Variants in ERF observed in about 807,000 individuals in gnomAD.
ERF encodes ETS domain-containing transcription factor ERF.
Under a neutral mutation model 41.6 loss-of-function variants are expected in ERF, and 10 were observed. That is an observed-to-expected ratio of 0.24 (90% confidence interval 0.15 to 0.41). The LOEUF (loss-of-function observed/expected upper bound fraction) is 0.41, where lower values mean the gene tolerates loss of function less well. ERF is among the 10% of genes least tolerant of loss of function. The probability of loss-of-function intolerance (pLI) is 1.00; values close to 1 mark genes in which losing one functional copy is unlikely to be tolerated. For missense variants in ERF, 621 were observed against 763.2 expected (o/e 0.81, Z 2.19); for synonymous variants, 395 against 342.4 (o/e 1.15, Z -1.70).
Position 42,248,899 on chromosome 19 carries a change from T to G in ERF, c.1213A>C (p.Ser405Arg), listed in dbSNP as rs905310462. The G allele has an allele frequency of 2.5e-6, 4 of 1,605,858 alleles. No homozygotes were observed. The highest frequency in any genetic ancestry group is 3.4e-6 in the Non-Finnish European group (4 of 1,178,314). The change falls in exon 4 of 4, where the codon AGT becomes CGT. Residue 405 changes from serine to arginine, a missense_variant. Transcript: ENST00000222329. The surrounding 1 kb of genome is among the most constrained non-coding windows in gnomAD (Gnocchi z 4.2). ...GCCCCCTCAGCCAGCCCGCCTGCAC[T>G]GCCACCGCTCTTGTCAGCACCGGCT... ...AVAGADKSGG[S>R]AGGLAEGAGA...
chr19:42,253,823 G>T, intron 1 of ERF: 1 of 969,802 alleles, frequency 1.0e-6, no homozygotes, highest in Non-Finnish European at 1.2e-6. Flanking sequence ...GGGGTGGGTG[G>T]GCCGGTCGGG....
rs578157674 is a variant in ERF, at chr19:42,250,050, C to T, written c.258-108G>A. ...TGGTTCCCAAAGGCCAACTGAGGAACGTAGGCCACAAAAGACAAATCAAGT... is the reference window on the plus strand; with the variant it reads ...TGGTTCCCAAAGGCCAACTGAGGAATGTAGGCCACAAAAGACAAATCAAGT... On this transcript the variant is annotated intron_variant, in intron 2 of 3. Transcript: ENST00000222329. The surrounding 1 kb of genome is among the most constrained non-coding windows in gnomAD (Gnocchi z 5.1). 6.1e-5 allele frequency: 67 copies of T among 1,098,870 alleles called. 1 individual carries two copies. The East Asian group carries it at 1.4e-3, about 22-fold the overall frequency. The allele number at this position is 1,098,870 out of a possible 1,614,324, so 68.1% of individuals were successfully genotyped here.
At position 42,249,118 on chromosome 19, in the gene ERF, G is replaced by A; in HGVS notation, c.994C>T (p.Leu332=). Residue 332 remains leucine (L), a synonymous_variant, in exon 4 of 4, where the codon CTG becomes TTG. Coordinates refer to ENST00000222329, the MANE Select transcript of ERF (RefSeq NM_006494.4). This position sits in a 1 kb window ranked among gnomAD's most constrained non-coding sequence, Gnocchi z 8.6. ...GGCACCACCAGCCCAGGGTAGTGCA[G>A]GAAGGCGCGGGGGCTGAGGTGGTAG... The part of the protein sequence containing the change: ...YNYHLSPRAF[L]HYPGLVVPQP... The A allele has an allele frequency of 6.2e-7, 1 of 1,613,894 alleles. No individual in the cohort carries two copies.
In ERF at chr19:42,248,834, C is replaced by T; in HGVS notation, c.1278G>A (p.Lys426=). 6.2e-7 allele frequency: 1 copy of T among 1,612,924 alleles called. No homozygotes were observed. The highest frequency in any genetic ancestry group is 8.5e-7 in the Non-Finnish European group (1 of 1,179,786). Residue 426 remains lysine, a synonymous_variant, in exon 4 of 4, where the codon AAG becomes AAA. Coordinates refer to ENST00000222329, the MANE Select transcript of ERF (RefSeq NM_006494.4). The surrounding 1 kb of genome is among the most constrained non-coding windows in gnomAD (Gnocchi z 4.2). ...ACTCGCCTTCCGAGATGGGCTCCAC[C>T]TTGATCTGTGGTGGCGGGGGCGGTG... ...LAPPPPPPQI[K]VEPISEGESE... is the part of the protein sequence containing the mutation.
At chr19:42,254,912 C>CA in intron 1 of ERF, 66 bp downstream of exon 1, 1 of 1,500,400 alleles carries the variant, frequency 6.7e-7, no homozygotes. Context: ...TCAGCCCCCC[C>CA]AAAGTTTCTC....
intron 1 of ERF, among the ~76,000 whole-genome samples, chr19:42,253,175 G>A (rs1175447648): frequency 6.6e-6 from 1 of 152,178 alleles, no homozygotes; most frequent in African/African-American, 2.4e-5. Context: ...TATGAGGGTC[G>A]GAAGGGAGGA....
rs2036354952 is a variant in ERF at position 42,247,903 on chromosome 19, C to G, written c.*562G>C. The G allele has an allele frequency of 6.6e-6, 1 of 152,322 alleles. No individual in the cohort carries two copies. Among genetic ancestry groups the G allele is most frequent in the African/African-American group, 2.4e-5 (1 of 41,390 alleles). 9.4% of individuals were successfully genotyped at this position (152,322 alleles called of 1,614,324 possible). On this transcript the variant is annotated 3_prime_UTR_variant, in exon 4 of 4. Coordinates refer to ENST00000222329, the MANE Select transcript of ERF (RefSeq NM_006494.4). Reference sequence around the variant, plus strand: ...TCACCCTCCTCCGCCCCCCACCCCCCAACACATGGAATTTTTGGTTCATTA... The same window carrying G: ...TCACCCTCCTCCGCCCCCCACCCCCGAACACATGGAATTTTTGGTTCATTA...
Position 42,249,351 on chromosome 19 carries a change from G to A in ERF, c.761C>T (p.Ala254Val), listed in dbSNP as rs866520643. 29 of 1,577,492 alleles carry A rather than the reference G, an allele frequency of 1.8e-5. No individual in the cohort carries two copies. Among genetic ancestry groups the A allele is most frequent in the Non-Finnish European group, 2.5e-5 (29 of 1,162,332 alleles). Residue 254 changes from alanine (A) to valine (V), a missense_variant, in exon 4 of 4, where the codon GCC becomes GTC. Ala to Val is a moderately conservative substitution (Grantham distance 64, BLOSUM62 0). Transcript: ENST00000222329. The surrounding 1 kb of genome is among the most constrained non-coding windows in gnomAD (Gnocchi z 8.6). ...AGGGGGCAGCAGGGATCCAGGACCG[G>A]CCAGAGGCGACACAGGGAAGGGGCT... ...PLSPFPVSPL[A>V]GPGSLLPPQL...
At position 42,254,097 on chromosome 19, in the gene ERF, G is replaced by C. The variant is rs1477280978; in HGVS notation, c.22+881C>G. On this transcript the variant is annotated intron_variant, in intron 1 of 3. Coordinates refer to ENST00000222329, the MANE Select transcript of ERF (RefSeq NM_006494.4). ...CCGAGTGGGAGGGGGAGTTAATCCC[G>C]CTGCCCCCCGCCCGCCGACCGAGGG... Among the ~76,000 whole-genome samples the C allele has an allele frequency of 2.7e-5, 4 of 149,446 alleles. No individual in the cohort carries two copies. In the East Asian group the frequency reaches 8.2e-4, roughly 31 times the overall value.
rs1478790512 is a variant in ERF, at chr19:42,247,737, C to A, written c.*728G>T. On this transcript the variant is annotated 3_prime_UTR_variant, in exon 4 of 4. Transcript: ENST00000222329. The stretch of plus-strand genomic sequence containing the variant: ...CTTCCAGTTTGGTTTCAGGGCACCC[C>A]CTTCCCATCCCCCCACCCGCCTGCC... 6.6e-6 allele frequency: 1 copy of A among 152,562 alleles called. No individual in the cohort carries two copies. The allele number at this position is 152,562 out of a possible 1,614,324, so 9.5% of individuals were successfully genotyped here. A position where few individuals can be genotyped will look rare whatever the true frequency, so the allele number is the denominator to read the frequency against.
chr19:42,253,889 G>T, intron 1 of ERF: 1 of 1,081,188 alleles, frequency 9.2e-7, no homozygotes, highest in Non-Finnish European at 1.1e-6. Flanking sequence ...CCGCCGCCGG[G>T]GGAAGGAAAC....
rs2036490581 is a variant in ERF, at chr19:42,253,958, A to T, written c.22+1020T>A. The T allele has an allele frequency of 3.9e-6, 4 of 1,021,000 alleles. No individual in the cohort carries two copies. In the South Asian group the frequency reaches 1.3e-4, roughly 32 times the overall value. The allele number at this position is 1,021,000 out of a possible 1,614,324, so 63.2% of individuals were successfully genotyped here. On this transcript the variant is annotated intron_variant, in intron 1 of 3. Coordinates refer to ENST00000222329, the MANE Select transcript of ERF (RefSeq NM_006494.4). ...CTCCCCCGTCCCCGCCCCGGGCCGGATTCCGACGGGGTAGACGGGCAGGGG... is the reference window on the plus strand; with the variant it reads ...CTCCCCCGTCCCCGCCCCGGGCCGGTTTCCGACGGGGTAGACGGGCAGGGG...
Position 42,255,006 on chromosome 19 carries a change from G to C in ERF, c.-7C>G. Reference sequence around the variant, plus strand: ...TGTCCGCCGGGGTCTTCATGCTGGGGGGCCCGGGGCGAAGCGCCCCGATTC... The same window carrying C: ...TGTCCGCCGGGGTCTTCATGCTGGGCGGCCCGGGGCGAAGCGCCCCGATTC... On this transcript the variant is annotated 5_prime_UTR_variant, in exon 1 of 4. Transcript: ENST00000222329. 3 of 1,436,038 alleles carry C rather than the reference G, an allele frequency of 2.1e-6. No individual in the cohort carries two copies. Among genetic ancestry groups the C allele is most frequent in the Non-Finnish European group, 2.7e-6 (3 of 1,096,694 alleles). The allele number at this position is 1,436,038 out of a possible 1,614,324, so 89.0% of individuals were successfully genotyped here. A position where few individuals can be genotyped will look rare whatever the true frequency, so the allele number is the denominator to read the frequency against.
intron 1 of ERF, among the ~76,000 whole-genome samples, chr19:42,254,200 A>G (rs2036496137): frequency 6.6e-6 from 1 of 150,880 alleles, no homozygotes; most frequent in Non-Finnish European, 1.5e-5. Context: ...GGCCCGCTGA[A>G]AGAGAAGAGG....
chr19:42,249,269 G>T lies in ERF; in HGVS notation c.843C>A (p.Pro281=), dbSNP rs1356239546. The change falls in exon 4 of 4, where the codon CCC becomes CCA. Residue 281 remains proline, a synonymous_variant. Coordinates refer to ENST00000222329, the MANE Select transcript of ERF (RefSeq NM_006494.4). The surrounding 1 kb of genome is among the most constrained non-coding windows in gnomAD (Gnocchi z 8.6). ...TPTHLAYTPS[P]TLSPMYPSGG... is the part of the protein sequence containing the mutation. ...CACTGGGGTACATCGGGCTCAGCGT[G>T]GGCGAGGGAGTGTAGGCCAGGTGGG... 1 of 1,609,016 alleles carries T rather than the reference G, an allele frequency of 6.2e-7. No homozygotes were observed. Among genetic ancestry groups the T allele is most frequent in the African/African-American group, 1.3e-5 (1 of 74,884 alleles).
At position 42,250,304 on chromosome 19, in the gene ERF, G is replaced by A; in HGVS notation, c.257+27C>T. 1 of 1,609,054 alleles carries A rather than the reference G, an allele frequency of 6.2e-7. No individual in the cohort carries two copies. The highest frequency in any genetic ancestry group is 2.2e-5 in the East Asian group (1 of 44,824). On this transcript the variant is annotated intron_variant, in intron 2 of 3. Transcript: ENST00000222329. This position sits in a 1 kb window ranked among gnomAD's most constrained non-coding sequence, Gnocchi z 5.1. The stretch of plus-strand genomic sequence containing the variant: ...AACCCCGGGGGGGCACTCCACATGT[G>A]CTCAGGGGTCCCCAGCCCGTCCTCA...
At position 42,248,596 on chromosome 19, in the gene ERF, C is replaced by T. The variant is rs751301163; in HGVS notation, c.1516G>A (p.Asp506Asn). The T allele has an allele frequency of 1.4e-5, 22 of 1,582,340 alleles. No individual in the cohort carries two copies. The highest frequency in any genetic ancestry group is 1.9e-5 in the Non-Finnish European group (22 of 1,163,374). Residue 506 changes from aspartate (D) to asparagine (N), a missense_variant, in exon 4 of 4, where the codon GAT (aspartate) becomes AAT (asparagine). Asp to Asn is a conservative substitution (Grantham distance 23, BLOSUM62 1). Around this residue, in one of 3 missense-constraint regions of ERF, gnomAD observed 569 missense variants for 625.5 expected, o/e 0.91. Transcript: ENST00000222329. The surrounding 1 kb of genome is among the most constrained non-coding windows in gnomAD (Gnocchi z 4.2). ...GGGGPAGGFE[D>N]EGEDKKVRGE... Reference sequence around the variant, plus strand: ...CGCACCTTCTTGTCCTCACCCTCATCCTCAAAGCCCCCAGCGGGGCCCCCA... The same window carrying T: ...CGCACCTTCTTGTCCTCACCCTCATTCTCAAAGCCCCCAGCGGGGCCCCCA...
intron 1 of ERF, among the ~76,000 whole-genome samples, chr19:42,253,347 A>G (rs2036476409): frequency 6.6e-6 from 1 of 152,106 alleles, no homozygotes; most frequent in African/African-American, 2.4e-5. Flanking sequence ...AGGGGTGCGG[A>G]GCGGCAGGCC....
Position 42,250,766 on chromosome 19 carries a change from G to C in ERF, c.23-201C>G, listed in dbSNP as rs990531384. 6.6e-6 allele frequency among the ~76,000 whole-genome samples: 1 copy of C among 152,222 alleles called. No homozygotes were observed. The highest frequency in any genetic ancestry group is 1.5e-5 in the Non-Finnish European group (1 of 68,034). On this transcript the variant is annotated intron_variant, in intron 1 of 3. Transcript: ENST00000222329. This position sits in a 1 kb window ranked among gnomAD's most constrained non-coding sequence, Gnocchi z 5.1. ...GGGCTAGACAGGAGCTGGGGGGGAG[G>C]GGAAGCTGGAGCCCGCTCCAGCGAC... is the stretch of plus-strand genomic sequence containing the variant.
Sources: gnomAD v4.1 joint callset for allele counts (sites outside exome capture counted in the v4.1 genomes callset) on GRCh38, gnomAD v4.1.1 for gene constraint, gnomAD v4.1.1 regional missense constraint, Gnocchi (gnomAD v3.1) non-coding constraint, MANE v1.5 for transcripts, NCBI Gene and HGNC (gene_info 2026-07-23, HGNC 2026-07-21) for gene names.